Variants in FAM20B observed in about 807,000 individuals in gnomAD.
The protein encoded by FAM20B is glycosaminoglycan xylosylkinase.
FAM20B carries 23 observed loss-of-function variants against 43.8 expected under a neutral mutation model. The ratio of observed to expected loss-of-function variants is 0.53; its 90% CI spans 0.38 to 0.74. FAM20B has a LOEUF of 0.74. Ranked by LOEUF, FAM20B falls within the 30% of genes least tolerant of loss-of-function variation. The pLI, the probability that FAM20B is intolerant of heterozygous loss-of-function variation, is 0.00. For synonymous variants in FAM20B, 178 were observed against 192.4 expected (o/e 0.93, Z 0.62); for missense variants, 440 against 510.5 (o/e 0.86, Z 1.33).
chr1:179,045,097 C>G (rs1650706608), intron 2 of FAM20B, among the ~76,000 whole-genome samples: 1 of 152,116 alleles, frequency 6.6e-6, no homozygotes, highest in African/African-American at 2.4e-5. Context: ...TTTGGACTTC[C>G]TAGGGATCTA....
intron 3 of FAM20B, among the ~76,000 whole-genome samples, chr1:179,052,113 AAAC>A (rs1321192306): frequency 6.6e-6 from 1 of 152,248 alleles, no homozygotes; most frequent in Non-Finnish European, 1.5e-5. Flanking sequence ...ATTTAAAAGC[AAAC>A]AACAAACGGA....
In FAM20B at chr1:179,075,802, C is replaced by T. The variant is rs1652107299; in HGVS notation, c.*3658C>T. On this transcript the variant is annotated 3_prime_UTR_variant, in exon 8 of 8. Transcript: ENST00000263733. The stretch of plus-strand genomic sequence containing the variant: ...AAAAAAATGCTTTTGCCTTCCCTTC[C>T]CTTCCCATCCGCCATATTTCTTCAG... 1 of 151,926 alleles carries T rather than the reference C, an allele frequency of 6.6e-6. No homozygotes were observed. The highest frequency in any genetic ancestry group is 1.5e-5 in the Non-Finnish European group (1 of 67,966). The allele number at this position is 151,926 out of a possible 1,614,324, so 9.4% of individuals were successfully genotyped here.
intron 1 of FAM20B, among the ~76,000 whole-genome samples, chr1:179,029,004 C>T (rs948340906): frequency 6.6e-6 from 1 of 152,210 alleles, no homozygotes; most frequent in East Asian, 1.9e-4. Flanking sequence ...CCACCTGGAG[C>T]CTGGCAGTAG....
intron 1 of FAM20B, among the ~76,000 whole-genome samples, chr1:179,027,658 G>A (rs77412742): frequency 0.024 from 3,590 of 152,318 alleles, 95 homozygotes; most frequent in East Asian, 0.072. Flanking sequence ...TCATGATAAA[G>A]TGCAGTGATA....
At chr1:179,040,573 G>C (rs1650455109) in intron 1 of FAM20B, among the ~76,000 whole-genome samples, 1 of 126,532 alleles carries the variant, frequency 7.9e-6, no homozygotes, top group African/African-American at 2.9e-5. Flanking sequence ...CGGGGCAGCT[G>C]GCCGGGCAGA....
At chr1:179,033,331 A>T (rs531003474) in intron 1 of FAM20B, among the ~76,000 whole-genome samples, 12 of 152,336 alleles carry the variant, frequency 7.9e-5, no homozygotes, top group Non-Finnish European at 1.5e-4. Context: ...CCTTTAAGAG[A>T]CTTTGTTAAT....
intron 1 of FAM20B, 113 bp from the exon 2 acceptor site, chr1:179,043,602 G>A (rs1451697668): frequency 1.4e-5 from 6 of 422,546 alleles, no homozygotes; most frequent in Admixed American, 1.2e-4. Flanking sequence ...ACCTTCTTGA[G>A]CTCAAGAATA....
intron 1 of FAM20B, among the ~76,000 whole-genome samples, chr1:179,033,623 G>A (rs966185147): frequency 3.3e-5 from 5 of 152,206 alleles, no homozygotes; most frequent in African/African-American, 1.2e-4. Flanking sequence ...ATGTGAGAAT[G>A]TTGGGTTTTA....
In FAM20B at chr1:179,064,431, T is replaced by G. The variant is rs766940197; in HGVS notation, c.873T>G (p.His291Gln). ...ACCTGATTGGCAATGCTGACCGCCA[T>G]CACTATGAGAGCTTTCAAGATGATG... ...FDYLIGNADR[H>Q]HYESFQDDEG... The change falls in exon 6 of 8, where the codon CAT becomes CAG. Residue 291 changes from histidine to glutamine, a missense_variant. By Grantham distance (24) the His-to-Gln change is conservative. Transcript: ENST00000263733. 14 of 1,614,164 alleles carry G rather than the reference T, an allele frequency of 8.7e-6. No homozygotes were observed. The highest frequency in any genetic ancestry group is 1.1e-5 in the Non-Finnish European group (13 of 1,180,012).
chr1:179,028,365 C>T (rs551221911), intron 1 of FAM20B, among the ~76,000 whole-genome samples: 1 of 152,268 alleles, frequency 6.6e-6, no homozygotes, highest in Non-Finnish European at 1.5e-5. Context: ...AGGCGGATCA[C>T]GAGGTCAAGA....
At chr1:179,046,666 A>T (rs1650786483) in intron 2 of FAM20B, among the ~76,000 whole-genome samples, 1 of 151,004 alleles carries the variant, frequency 6.6e-6, no homozygotes, top group Non-Finnish European at 1.5e-5. Flanking sequence ...AACGTAAAAT[A>T]AAATAAATAA....
At chr1:179,057,322 G>T (rs550036838) in intron 4 of FAM20B, among the ~76,000 whole-genome samples, 2 of 152,190 alleles carry the variant, frequency 1.3e-5, no homozygotes, top group Admixed American at 1.3e-4. Context: ...CTCCAGCCTG[G>T]TCGACAGAGT....
upstream of FAM20B, among the ~76,000 whole-genome samples, chr1:179,021,157 C>A (rs547314914): frequency 1.3e-5 from 2 of 152,228 alleles, no homozygotes; most frequent in Admixed American, 1.3e-4. Flanking sequence ...GCTCAAAGAG[C>A]CTTCTGCTGA....
intron 5 of FAM20B, 80 bp downstream of exon 5, chr1:179,064,178 T>C: frequency 7.0e-7 from 1 of 1,432,870 alleles, no homozygotes; most frequent in Non-Finnish European, 9.6e-7. Context: ...CCAGCAGTTC[T>C]GTCCAAGAGT....
intron 1 of FAM20B, among the ~76,000 whole-genome samples, chr1:179,030,663 G>A (rs956925015): frequency 6.6e-6 from 1 of 152,212 alleles, no homozygotes; most frequent in Non-Finnish European, 1.5e-5. Flanking sequence ...GTCTCTGAAA[G>A]AGGCAGTCTT....
intron 1 of FAM20B, among the ~76,000 whole-genome samples, chr1:179,030,235 C>G (rs1412579218): frequency 6.6e-6 from 1 of 151,504 alleles, no homozygotes; most frequent in African/African-American, 2.4e-5. Flanking sequence ...TTGTTTGTTT[C>G]TTATCGTTGG....
intron 2 of FAM20B, among the ~76,000 whole-genome samples, chr1:179,048,790 A>T (rs558616160): frequency 3.4e-4 from 52 of 152,374 alleles, no homozygotes; most frequent in African/African-American, 1.3e-3. Flanking sequence ...CCAGAAGGTG[A>T]TACATGGCTG....
At chr1:179,044,325 C>T (rs1298558522) in intron 2 of FAM20B, 101 bp downstream of exon 2, 3 of 1,349,200 alleles carry the variant, frequency 2.2e-6, no homozygotes, top group Admixed American at 2.3e-5. Context: ...GAAGTCTCTT[C>T]AGTAAAATAA....
rs541963884 is a variant in FAM20B at position 179,043,838 on chromosome 1, A to G, written c.-10A>G. ...AAGAGTGGGTCAGGGGAGAAGGAAAAGAGGTCAACATGAAGCTAAAGCAGC... is the reference window on the plus strand; with the variant it reads ...AAGAGTGGGTCAGGGGAGAAGGAAAGGAGGTCAACATGAAGCTAAAGCAGC... On this transcript the variant is annotated 5_prime_UTR_variant, in exon 2 of 8. Transcript: ENST00000263733. The G allele has an allele frequency of 6.3e-7, 1 of 1,578,726 alleles. No individual in the cohort carries two copies. The highest frequency in any genetic ancestry group is 8.6e-7 in the Non-Finnish European group (1 of 1,157,718).
Sources: gnomAD v4.1 joint callset for allele counts (sites outside exome capture counted in the v4.1 genomes callset) on GRCh38, gnomAD v4.1.1 for gene constraint, MANE v1.5 for transcripts, NCBI Gene and HGNC (gene_info 2026-07-23, HGNC 2026-07-21) for gene names.